MTNAP1: variants seen among roughly 807,000 people sequenced by gnomAD.
MTNAP1 encodes the protein mitochondrial nucleoid-associated protein 1.
At chr17:73,235,303 T>C in the MTNAP1 span, among the ~76,000 whole-genome samples, 4 of 152,210 alleles carry the variant, frequency 2.6e-5, no homozygotes, top group East Asian at 7.7e-4. Flanking sequence ...ATAACGTGTT[T>C]AAGGGTTTTT....
chr17:73,232,484 C>A, the MTNAP1 span: 3 of 562,572 alleles, frequency 5.3e-6, no homozygotes, highest in Non-Finnish European at 9.1e-6. Context: ...TCACAGCCAA[C>A]GGAGGGTACG....
the MTNAP1 span, chr17:73,245,625 A>G: frequency 1.0e-6 from 1 of 985,416 alleles, no homozygotes; most frequent in Non-Finnish European, 1.2e-6. Flanking sequence ...GCAGAAAATA[A>G]GCCCACATCA....
At chr17:73,242,181 G>T in the MTNAP1 span, 1 of 1,112,526 alleles carries the variant, frequency 9.0e-7, no homozygotes, top group South Asian at 1.4e-5. Context: ...CTTCGGCACT[G>T]GATGTTAGGG....
the MTNAP1 span, chr17:73,248,885 C>G: frequency 4.3e-6 from 1 of 230,446 alleles, no homozygotes; most frequent in Non-Finnish European, 8.6e-6. Flanking sequence ...TCAGCAGACT[C>G]TTTTATACTT....
chr17:73,232,850 T>C, the MTNAP1 span: 3 of 152,564 alleles, frequency 2.0e-5, no homozygotes, highest in African/African-American at 7.2e-5. Context: ...AGGGTCTTCC[T>C]GGAACCGCAG....
At chr17:73,247,202 C>T in the MTNAP1 span, 2 of 1,584,724 alleles carry the variant, frequency 1.3e-6, no homozygotes, top group East Asian at 4.5e-5. Flanking sequence ...AACCATATGC[C>T]CTGAAAAGCT....
chr17:73,235,221 A>AAAATAAAT, the MTNAP1 span, among the ~76,000 whole-genome samples: 1,669 of 152,194 alleles, frequency 0.011, 31 homozygotes, highest in African/African-American at 0.038. Context: ...CTCTGTTTCC[A>AAAATAAAT]AAATAAATAA....
chr17:73,237,428 C>T, the MTNAP1 span, among the ~76,000 whole-genome samples: 2 of 124,360 alleles, frequency 1.6e-5, no homozygotes, highest in African/African-American at 3.2e-5. Flanking sequence ...GGAATGAGAC[C>T]CTGTCTCAAA....
chr17:73,239,754 C>T, the MTNAP1 span, among the ~76,000 whole-genome samples: 2 of 152,040 alleles, frequency 1.3e-5, no homozygotes, highest in African/African-American at 4.8e-5. Flanking sequence ...CTCCTGACCT[C>T]AGGTGATCCT....
At chr17:73,247,158 C>G in the MTNAP1 span, 1 of 1,266,660 alleles carries the variant, frequency 7.9e-7, no homozygotes, top group East Asian at 2.3e-5. Context: ...GGCTGTTTCA[C>G]ACAACAACAG....
the MTNAP1 span, among the ~76,000 whole-genome samples, chr17:73,234,681 CAAAAA>C: frequency 1.0e-5 from 1 of 98,022 alleles, no homozygotes; most frequent in Non-Finnish European, 2.0e-5. Flanking sequence ...GACTCTGTCT[CAAAAA>C]AAAAAAAAAA....
At chr17:73,239,368 T>C in the MTNAP1 span, among the ~76,000 whole-genome samples, 28 of 152,176 alleles carry the variant, frequency 1.8e-4, no homozygotes, top group African/African-American at 6.5e-4. Flanking sequence ...CTTTTCATTT[T>C]AGAGGAAAAA....
the MTNAP1 span, chr17:73,242,766 A>C: frequency 1.5e-6 from 1 of 665,720 alleles, no homozygotes; most frequent in East Asian, 2.7e-5. Context: ...TTATGTGTTT[A>C]AAATATGTGC....
chr17:73,235,248 T>C, the MTNAP1 span, among the ~76,000 whole-genome samples: 1 of 151,464 alleles, frequency 6.6e-6, no homozygotes, highest in Non-Finnish European at 1.5e-5. Context: ...AAATAACCTT[T>C]GGTTCCTGGC....
chr17:73,245,136 G>A, the MTNAP1 span: 35 of 1,611,244 alleles, frequency 2.2e-5, no homozygotes, highest in Middle Eastern at 1.7e-4. Flanking sequence ...GTGGCCTCTC[G>A]GATCCTTACA....
chr17:73,234,443 G>A, the MTNAP1 span, among the ~76,000 whole-genome samples: 1 of 122,952 alleles, frequency 8.1e-6, no homozygotes, highest in East Asian at 2.6e-4. Context: ...TGTAATCCCA[G>A]CACACTGGAA....
At chr17:73,245,358 G>A in the MTNAP1 span, 2 of 1,358,634 alleles carry the variant, frequency 1.5e-6, no homozygotes. Flanking sequence ...GATACAGGAA[G>A]TAAACGTATT....
chr17:73,246,497 T>C, the MTNAP1 span, among the ~76,000 whole-genome samples: 1 of 152,186 alleles, frequency 6.6e-6, no homozygotes, highest in Non-Finnish European at 1.5e-5. Flanking sequence ...GATTGTGCCA[T>C]TGCATTCCAG....
chr17:73,240,558 A>G, the MTNAP1 span, among the ~76,000 whole-genome samples: 2 of 152,250 alleles, frequency 1.3e-5, no homozygotes, highest in East Asian at 1.9e-4. Context: ...ACTGTCTCCA[A>G]TGACTGCAAA....
Sources: allele counts gnomAD v4.1 joint callset (sites outside exome capture counted in the v4.1 genomes callset), GRCh38; gene constraint gnomAD v4.1.1; transcripts MANE v1.5; gene names NCBI Gene and HGNC (gene_info 2026-07-23, HGNC 2026-07-21).